Variants in MOV10L1 observed in about 807,000 individuals in gnomAD.
The protein encoded by MOV10L1 is RNA helicase Mov10l1.
A neutral mutation model predicts 143.8 loss-of-function variants in MOV10L1; 110 were observed. That is an observed-to-expected ratio of 0.76 (90% CI 0.66 to 0.90). The LOEUF (loss-of-function observed/expected upper bound fraction) is 0.90. Ranked by LOEUF, MOV10L1 falls within the 40% of genes least tolerant of loss-of-function variation. The pLI, the probability that MOV10L1 is intolerant of heterozygous loss-of-function variation, is 0.00. For synonymous variants in MOV10L1, 593 were observed against 581.1 expected, an observed-to-expected ratio of 1.02 and a Z score of -0.29; for missense variants, 1,406 against 1,526.8, an observed-to-expected ratio of 0.92 and a Z score of 1.32.
Position 50,090,067 on chromosome 22 carries a change from C to CTGTG in MOV10L1, c.-22_-21insTGTG. 1 of 1,242,000 alleles carries CTGTG rather than the reference C, an allele frequency of 8.1e-7. No individual in the cohort carries two copies. The allele number at this position is 1,242,000 out of a possible 1,614,324, so 76.9% of individuals were successfully genotyped here. Reference sequence around the variant, plus strand: ...CGGGCGGCGGCAGCGGCGGTGACGGCAGCCTAGGCCGGGCGAGGGCCATGC... The same window carrying CTGTG: ...CGGGCGGCGGCAGCGGCGGTGACGGCTGTGAGCCTAGGCCGGGCGAGGGCCATGC... On this transcript the variant is annotated 5_prime_UTR_variant, in exon 1 of 27. Transcript: ENST00000262794.
intron 15 of MOV10L1, among the ~76,000 whole-genome samples, chr22:50,139,665 T>C (rs998053979): frequency 4.6e-5 from 7 of 152,166 alleles, no homozygotes; most frequent in African/African-American, 1.4e-4. Flanking sequence ...ATGAAAGTAC[T>C]CTACAAACTG....
At chr22:50,141,454 A>G (rs2062984415) in intron 15 of MOV10L1, among the ~76,000 whole-genome samples, 1 of 150,468 alleles carries the variant, frequency 6.6e-6, no homozygotes, top group Non-Finnish European at 1.5e-5. Context: ...TCAGCCTGCC[A>G]AGTAGCTGGG....
Position 50,145,342 on chromosome 22 carries a change from A to T in MOV10L1, c.2506-347A>T, listed in dbSNP as rs572409787. On this transcript the variant is annotated intron_variant, in intron 18 of 26. Transcript: ENST00000262794. ...GAGGCCGAAGCAGGAGAATCACTTG[A>T]ACCTGGGAGGCAGAGGTTGCAGTGA... Among the ~76,000 whole-genome samples the T allele has an allele frequency of 3.3e-5, 5 of 152,298 alleles. No homozygotes were observed. In the East Asian group the frequency reaches 9.7e-4, roughly 29 times the overall value.
chr22:50,114,783 A>G (rs938654194), intron 7 of MOV10L1, among the ~76,000 whole-genome samples, 161 bp downstream of exon 7: 2 of 152,160 alleles, frequency 1.3e-5, no homozygotes, highest in Non-Finnish European at 2.9e-5. Flanking sequence ...CTTGCTGACG[A>G]CGTTAGGGAG....
At chr22:50,115,778 C>T (rs763636673) in intron 8 of MOV10L1, among the ~76,000 whole-genome samples, 22 of 152,204 alleles carry the variant, frequency 1.4e-4, no homozygotes, top group Admixed American at 2.6e-4. Context: ...TGTTCTGAGA[C>T]ATCACGTTGG....
At chr22:50,155,052 T>C (rs931839278) in intron 22 of MOV10L1, among the ~76,000 whole-genome samples, 9 of 152,302 alleles carry the variant, frequency 5.9e-5, no homozygotes, top group East Asian at 3.9e-4. Context: ...TCATTTTATT[T>C]CCTGATTTTT....
intron 10 of MOV10L1, among the ~76,000 whole-genome samples, chr22:50,122,143 A>G (rs2062364701): frequency 6.6e-6 from 1 of 152,218 alleles, no homozygotes; most frequent in Admixed American, 6.5e-5. Flanking sequence ...TGCGTTGGTT[A>G]GTATGGACAT....
intron 18 of MOV10L1, 82 bp from the exon 19 acceptor site, chr22:50,145,607 G>T: frequency 6.4e-7 from 1 of 1,554,920 alleles, no homozygotes. Context: ...TAACTAAGAA[G>T]TGGTACCAGG....
Position 50,102,343 on chromosome 22 carries a change from T to C in MOV10L1, c.442+2741T>C, listed in dbSNP as rs2061766223. ...AAAGCTCCTCCCCACAGGATGGTCG[T>C]ACCACGTAGCTGAAAGCAGACATAG... On this transcript the variant is annotated intron_variant, in intron 3 of 26. Transcript: ENST00000262794. Among the ~76,000 whole-genome samples, 3 of 152,226 alleles carry C rather than the reference T, an allele frequency of 2.0e-5. No individual in the cohort carries two copies. In the South Asian group the frequency reaches 6.2e-4, roughly 31 times the overall value.
chr22:50,127,954 G>A (rs532005657), intron 12 of MOV10L1, among the ~76,000 whole-genome samples: 1 of 152,134 alleles, frequency 6.6e-6, no homozygotes, highest in Non-Finnish European at 1.5e-5. Flanking sequence ...TCTATTTTTA[G>A]TGGAGATGGT....
chr22:50,092,287 AAG>A, intron 2 of MOV10L1, 102 bp downstream of exon 2: 2 of 1,056,590 alleles, frequency 1.9e-6, no homozygotes, highest in Non-Finnish European at 2.8e-6. Context: ...CCAAGGGAGA[AAG>A]AGTGGAATGT....
At chr22:50,116,129 A>G (rs1310219621) in intron 8 of MOV10L1, among the ~76,000 whole-genome samples, 1 of 151,804 alleles carries the variant, frequency 6.6e-6, no homozygotes, top group Non-Finnish European at 1.5e-5. Flanking sequence ...ATCACAGCTC[A>G]TCAACATCAA....
intron 17 of MOV10L1, 101 bp from the exon 18 acceptor site, chr22:50,143,996 C>T: frequency 5.5e-6 from 8 of 1,455,944 alleles, no homozygotes; most frequent in Non-Finnish European, 6.6e-6. Flanking sequence ...GCCCATGCAG[C>T]TGAGTCCCTG....
At chr22:50,107,831 G>C (rs1306410866) in intron 3 of MOV10L1, among the ~76,000 whole-genome samples, 1 of 152,182 alleles carries the variant, frequency 6.6e-6, no homozygotes, top group Non-Finnish European at 1.5e-5. Flanking sequence ...CAGGACGGGG[G>C]AAGGGGGATG....
At chr22:50,116,446 C>CA (rs559872532) in intron 8 of MOV10L1, among the ~76,000 whole-genome samples, 29,729 of 90,716 alleles carry the variant, frequency 0.33, 3,533 homozygotes, top group Admixed American at 0.44. Context: ...GACTCCGTCT[C>CA]AAAAAAAAAA....
intron 2 of MOV10L1, 150 bp from the exon 3 acceptor site, chr22:50,099,293 C>G: frequency 1.2e-6 from 1 of 833,618 alleles, no homozygotes; most frequent in Non-Finnish European, 1.8e-6. Flanking sequence ...GACGGTATAC[C>G]AGGAAGAAGG....
intron 3 of MOV10L1, among the ~76,000 whole-genome samples, chr22:50,107,890 C>G (rs2061915997): frequency 1.3e-5 from 2 of 152,230 alleles, no homozygotes. Context: ...CACGAGCATG[C>G]ACACTGCACC....
chr22:50,144,393 T>TC (rs2063077931), intron 18 of MOV10L1, 150 bp downstream of exon 18: 4 of 842,796 alleles, frequency 4.7e-6, no homozygotes, highest in Non-Finnish European at 7.0e-6. Context: ...CCATGGGCCC[T>TC]CCCTCACCGC....
rs549639037 is a variant in MOV10L1, at chr22:50,118,584, A to T, written c.1454+1233A>T. On this transcript the variant is annotated intron_variant, in intron 9 of 26. Coordinates refer to ENST00000262794, the MANE Select transcript of MOV10L1 (RefSeq NM_018995.3). Reference sequence around the variant, plus strand: ...AATGTGTCTCTCTGTGCTGGCTTTAAGGCAGTAATTTTGTCAGAAAACGTT... The same window carrying T: ...AATGTGTCTCTCTGTGCTGGCTTTATGGCAGTAATTTTGTCAGAAAACGTT... 2.6e-5 allele frequency among the ~76,000 whole-genome samples: 4 copies of T among 152,364 alleles called. No individual in the cohort carries two copies. In the East Asian group the frequency reaches 5.8e-4, roughly 22 times the overall value.
Sources: gnomAD v4.1 joint callset for allele counts (sites outside exome capture counted in the v4.1 genomes callset) on GRCh38, gnomAD v4.1.1 for gene constraint, MANE v1.5 for transcripts, NCBI Gene and HGNC (gene_info 2026-07-23, HGNC 2026-07-21) for gene names.